EPHB2: variants seen among roughly 807,000 people sequenced by gnomAD.
EPHB2 encodes ephrin type-B receptor 2.
Under a neutral mutation model 96.4 loss-of-function variants are expected in EPHB2, and 18 were observed. That is an observed-to-expected ratio of 0.19 (90% CI 0.13 to 0.28). The LOEUF is 0.28. Among genes scored for constraint, EPHB2 ranks in the 10% least tolerant of loss-of-function variants. The pLI is 1.00. For missense variants in EPHB2, 989 were observed against 1,355.4 expected (o/e 0.73, Z 4.25); for synonymous variants, 506 against 534.1 (o/e 0.95, Z 0.72).
chr1:22,811,761 G>A (rs893274065), intron 3 of EPHB2, among the ~76,000 whole-genome samples: 3 of 152,224 alleles, frequency 2.0e-5, no homozygotes, highest in Non-Finnish European at 4.4e-5. Context: ...CCCCTTGGCC[G>A]GGGGCAGTGG....
At chr1:22,863,427 T>A (rs908357083) in intron 4 of EPHB2, among the ~76,000 whole-genome samples, 2 of 152,112 alleles carry the variant, frequency 1.3e-5, no homozygotes, top group East Asian at 3.9e-4. Flanking sequence ...ACATGGAAGA[T>A]AAAGTCAAGG....
chr1:22,784,715 G>A lies in EPHB2; in HGVS notation c.450G>A (p.Val150=). ...CAGCCGACGAGAGCTTCTCCCAGGT[G>A]GACCTGGGTGGCCGCGTCATGAAAA... is the stretch of plus-strand genomic sequence containing the variant. ...TIAADESFSQ[V]DLGGRVMKIN... The change falls in exon 3 of 16, where the codon GTG becomes GTA. Residue 150 remains valine (V), a synonymous_variant. Coordinates refer to ENST00000374630, the MANE Select transcript of EPHB2 (RefSeq NM_017449.5). The surrounding 1 kb of genome is among the most constrained non-coding windows in gnomAD (Gnocchi z 5.1). 2 of 1,613,572 alleles carry A rather than the reference G, an allele frequency of 1.2e-6. No individual in the cohort carries two copies. The highest frequency in any genetic ancestry group is 1.7e-6 in the Non-Finnish European group (2 of 1,179,670).
At chr1:22,830,263 TGAG>T (rs975709138) in intron 3 of EPHB2, among the ~76,000 whole-genome samples, 1 of 152,142 alleles carries the variant, frequency 6.6e-6, no homozygotes, top group African/African-American at 2.4e-5. Flanking sequence ...CGCCATGCTC[TGAG>T]GAGAGGGGCG....
intron 1 of EPHB2, among the ~76,000 whole-genome samples, chr1:22,716,035 GT>G (rs1349645367): frequency 6.6e-6 from 1 of 152,150 alleles, no homozygotes; most frequent in Non-Finnish European, 1.5e-5. Context: ...AGCCTTCAGT[GT>G]CTCCCCTAAC....
chr1:22,818,215 G>C (rs1645101390), intron 3 of EPHB2, among the ~76,000 whole-genome samples: 1 of 152,004 alleles, frequency 6.6e-6, no homozygotes, highest in African/African-American at 2.4e-5. Context: ...CAGTGTACCT[G>C]GCCAGCCCCC....
intron 6 of EPHB2, chr1:22,891,288 T>C: frequency 2.3e-6 from 1 of 437,678 alleles, no homozygotes; most frequent in South Asian, 1.6e-5. Flanking sequence ...TTCATTGTTT[T>C]GGGAAGGTTT....
intron 3 of EPHB2, among the ~76,000 whole-genome samples, chr1:22,806,044 A>C (rs1644920481): frequency 6.6e-6 from 1 of 152,224 alleles, no homozygotes; most frequent in African/African-American, 2.4e-5. Flanking sequence ...GGGAAGTCAC[A>C]TAGCAAGTGA....
chr1:22,901,172 G>T (rs1639736060), intron 9 of EPHB2, among the ~76,000 whole-genome samples: 1 of 152,212 alleles, frequency 6.6e-6, no homozygotes, highest in Non-Finnish European at 1.5e-5. Flanking sequence ...ATAATAGCCA[G>T]CTCTTCTTTG....
intron 3 of EPHB2, among the ~76,000 whole-genome samples, chr1:22,837,044 CG>C (rs1645396020): frequency 6.6e-6 from 1 of 152,008 alleles, no homozygotes; most frequent in Non-Finnish European, 1.5e-5. Context: ...CCCTACACGG[CG>C]GGGGAGGGGG....
chr1:22,774,570 G>C (rs1029882664), intron 1 of EPHB2: 8 of 985,214 alleles, frequency 8.1e-6, no homozygotes, highest in Non-Finnish European at 9.6e-6. Context: ...GGGAGGTAAA[G>C]TGACTTCTGC....
chr1:22,757,949 C>T (rs1281959771), intron 1 of EPHB2, among the ~76,000 whole-genome samples: 4 of 114,194 alleles, frequency 3.5e-5, no homozygotes, highest in Admixed American at 1.3e-4. Context: ...GACGGAGTCT[C>T]GCTCTGTTGC....
intron 1 of EPHB2, among the ~76,000 whole-genome samples, chr1:22,759,102 C>T (rs1240483084): frequency 6.6e-6 from 1 of 152,088 alleles, no homozygotes; most frequent in African/African-American, 2.4e-5. Flanking sequence ...ATGATTTGCT[C>T]CCTCCTCAGG....
At position 22,741,561 on chromosome 1, in the gene EPHB2, G is replaced by A. The variant is rs773991063; in HGVS notation, c.61+30518G>A. On this transcript the variant is annotated intron_variant, in intron 1 of 15. Transcript: ENST00000374630. The stretch of plus-strand genomic sequence containing the variant: ...CATAGTAGGCACTTAAATATGTGTC[G>A]AGTGAGTGAAAGGACCCTGTAGCCC... Among the ~76,000 whole-genome samples the A allele has an allele frequency of 4.0e-5, 6 of 151,830 alleles. No individual in the cohort carries two copies. The South Asian group carries it at 8.4e-4, about 21-fold the overall frequency.
chr1:22,839,216 A>G (rs548810760), intron 3 of EPHB2, among the ~76,000 whole-genome samples: 41 of 152,274 alleles, frequency 2.7e-4, no homozygotes, highest in African/African-American at 6.5e-4. Context: ...CTGAATCTCA[A>G]CGCAACACTC....
At chr1:22,848,835 C>T (rs76409663) in intron 3 of EPHB2, among the ~76,000 whole-genome samples, 2,350 of 152,142 alleles carry the variant, frequency 0.015, 57 homozygotes, top group African/African-American at 0.053. Context: ...TCCAGGTTTC[C>T]GGGGGATACA....
At chr1:22,867,830 C>T (rs1638529217) in intron 5 of EPHB2, among the ~76,000 whole-genome samples, 1 of 152,194 alleles carries the variant, frequency 6.6e-6, no homozygotes, top group Admixed American at 6.5e-5. Flanking sequence ...TGAGATCGTG[C>T]CACTGCACTC....
chr1:22,858,858 A>G lies in EPHB2; in HGVS notation c.812-4179A>G, dbSNP rs1291497696. On this transcript the variant is annotated intron_variant, in intron 3 of 15. Transcript: ENST00000374630. The surrounding 1 kb of genome is among the most constrained non-coding windows in gnomAD (Gnocchi z 7.7). Reference sequence around the variant, plus strand: ...ATGTCAACTAAGGGGGTGGGGCTCGATCCCCTTCCAGCCCCTCATTCATCC... The same window carrying G: ...ATGTCAACTAAGGGGGTGGGGCTCGGTCCCCTTCCAGCCCCTCATTCATCC... Among the ~76,000 whole-genome samples the G allele has an allele frequency of 6.6e-6, 1 of 152,176 alleles. No homozygotes were observed. Among genetic ancestry groups the G allele is most frequent in the African/African-American group, 2.4e-5 (1 of 41,440 alleles).
chr1:22,807,231 G>A (rs1644939680), intron 3 of EPHB2, among the ~76,000 whole-genome samples: 1 of 152,202 alleles, frequency 6.6e-6, no homozygotes, highest in Non-Finnish European at 1.5e-5. Context: ...CTTGGGCACT[G>A]TAGGGTGTAG....
At chr1:22,835,078 CA>C (rs1340691039) in intron 3 of EPHB2, among the ~76,000 whole-genome samples, 1 of 151,838 alleles carries the variant, frequency 6.6e-6, no homozygotes. Context: ...CACAGGAGTT[CA>C]AAAAAGGGGT....
Sources: allele counts gnomAD v4.1 joint callset (sites outside exome capture counted in the v4.1 genomes callset), GRCh38; gene constraint gnomAD v4.1.1; non-coding constraint Gnocchi (gnomAD v3.1); transcripts MANE v1.5; gene names NCBI Gene and HGNC (gene_info 2026-07-23, HGNC 2026-07-21).